The following DPP10 variants were observed in gnomAD, a reference collection of about 807,000 sequenced individuals.
The protein encoded by DPP10 is dipeptidyl peptidase like 10.
DPP10 carries 33 observed loss-of-function variants against 120.9 expected under a neutral mutation model. The observed-to-expected ratio is 0.27, with a 90% CI of 0.21 to 0.37. The LOEUF (loss-of-function observed/expected upper bound fraction) is 0.37. Among genes scored for constraint, DPP10 ranks in the 10% least tolerant of loss-of-function variants. The pLI, the probability that DPP10 is intolerant of heterozygous loss-of-function variation, is 1.00. For missense variants in DPP10, 816 were observed against 942.8 expected (o/e 0.87, Z 1.76); for synonymous variants, 337 against 326.1 (o/e 1.03, Z -0.36).
intron 1 of DPP10, among the ~76,000 whole-genome samples, chr2:114,853,058 A>G (rs182813844): frequency 3.0e-4 from 45 of 152,326 alleles, no homozygotes. Context: ...GTTGAGCTAA[A>G]GAAGCCAGAG....
At chr2:115,150,407 C>T (rs900075748) in intron 1 of DPP10, among the ~76,000 whole-genome samples, 8 of 152,054 alleles carry the variant, frequency 5.3e-5, no homozygotes, top group African/African-American at 1.2e-4. Flanking sequence ...AAAGCCTTGG[C>T]GATTAGAGAG....
In DPP10 at chr2:115,391,625, A is replaced by G. The variant is rs144920441; in HGVS notation, c.271+47713A>G. On this transcript the variant is annotated intron_variant, in intron 3 of 25. Transcript: ENST00000410059. The stretch of plus-strand genomic sequence containing the variant: ...GTACCAATATCCATAACATAAATAT[A>G]AAATAAAAAAGATGTTTATAATAGT... Among the ~76,000 whole-genome samples the G allele has an allele frequency of 8.1e-3, 1,228 of 152,178 alleles. 26 individuals are homozygous for G. The highest frequency in any genetic ancestry group is 0.032 in the East Asian group (165 of 5,186).
intron 21 of DPP10, among the ~76,000 whole-genome samples, chr2:115,819,853 G>T (rs1475498457): frequency 6.6e-6 from 1 of 152,112 alleles, no homozygotes; most frequent in African/African-American, 2.4e-5. Flanking sequence ...AACTAGCCGG[G>T]CATGGTGGCA....
chr2:114,549,983 C>T lies in DPP10; in HGVS notation c.60+107145C>T, dbSNP rs1263817137. On this transcript the variant is annotated intron_variant, in intron 1 of 25. Coordinates refer to ENST00000410059, the MANE Select transcript of DPP10 (RefSeq NM_020868.6). ...CCTCCTTTAGAAACCATCATGCCCCCAAACCTAAAACTTAGGGACCACCGC... is the reference window on the plus strand; with the variant it reads ...CCTCCTTTAGAAACCATCATGCCCCTAAACCTAAAACTTAGGGACCACCGC... Among the ~76,000 whole-genome samples the T allele has an allele frequency of 2.6e-5, 4 of 152,082 alleles. No homozygotes were observed. In the East Asian group the frequency reaches 7.7e-4, roughly 29 times the overall value.
intron 19 of DPP10, among the ~76,000 whole-genome samples, chr2:115,802,936 G>A (rs1262475394): frequency 6.6e-6 from 1 of 152,174 alleles, no homozygotes; most frequent in Non-Finnish European, 1.5e-5. Context: ...TTCTGTAGAT[G>A]TCTATTAGGT....
Position 115,814,657 on chromosome 2 carries a change from T to G in DPP10, c.1701-136T>G, listed in dbSNP as rs868126206. On this transcript the variant is annotated intron_variant, in intron 19 of 25. Transcript: ENST00000410059. The stretch of plus-strand genomic sequence containing the variant: ...GAAAATTGTAATTTTACCTTCAGGT[T>G]TATTATCAAGAATTAACAGAAATTT... 55 of 604,510 alleles carry G rather than the reference T, an allele frequency of 9.1e-5. No homozygotes were observed. In the Middle Eastern group the frequency reaches 3.9e-3, roughly 43 times the overall value. 37.4% of individuals were successfully genotyped at this position (604,510 alleles called of 1,614,324 possible).
chr2:115,512,407 A>G (rs1251591270), intron 4 of DPP10, among the ~76,000 whole-genome samples: 1 of 152,002 alleles, frequency 6.6e-6, no homozygotes, highest in African/African-American at 2.4e-5. Flanking sequence ...CTAAGATTAC[A>G]GATATGAGCC....
intron 7 of DPP10, among the ~76,000 whole-genome samples, chr2:115,726,928 A>G (rs1308072245): frequency 7.9e-6 from 1 of 126,380 alleles, no homozygotes; most frequent in Non-Finnish European, 1.6e-5. Context: ...TGATCTAAAT[A>G]GCAATTTGGC....
At chr2:115,163,835 AAGCAG>A (rs137919792) in intron 1 of DPP10, among the ~76,000 whole-genome samples, 3,622 of 152,252 alleles carry the variant, frequency 0.024, 54 homozygotes, top group African/African-American at 0.048. Flanking sequence ...TGGGATGCAG[AAGCAG>A]AGCAGAGCAG....
chr2:115,215,356 A>G (rs2056757656), intron 1 of DPP10, among the ~76,000 whole-genome samples: 1 of 152,174 alleles, frequency 6.6e-6, no homozygotes, highest in South Asian at 2.1e-4. Context: ...TTAAGTTCTG[A>G]TTTTAACACC....
At chr2:115,282,553 C>A (rs1475407611) in intron 1 of DPP10, among the ~76,000 whole-genome samples, 1 of 151,996 alleles carries the variant, frequency 6.6e-6, no homozygotes, top group Non-Finnish European at 1.5e-5. Context: ...TAGAATAGGG[C>A]CTTTCACAAT....
At chr2:114,779,540 G>A (rs1468048584) in intron 1 of DPP10, among the ~76,000 whole-genome samples, 2 of 152,040 alleles carry the variant, frequency 1.3e-5, no homozygotes, top group Non-Finnish European at 2.9e-5. Context: ...CATACAAGCT[G>A]CTAATTTTGA....
At chr2:115,567,819 T>A (rs10200039) in intron 5 of DPP10, among the ~76,000 whole-genome samples, 150,306 of 152,266 alleles carry the variant, frequency 0.99, 74,221 homozygotes, top group East Asian at 1. Context: ...AGTGTTTGAG[T>A]GTGCTAGTTT....
chr2:115,740,800 A>G (rs933179663), intron 9 of DPP10, among the ~76,000 whole-genome samples: 16 of 152,148 alleles, frequency 1.1e-4, no homozygotes, highest in Admixed American at 9.8e-4. Context: ...AAGAAGGCTC[A>G]TGTGTAAGGC....
chr2:115,312,176 A>T (rs982367522), intron 2 of DPP10, among the ~76,000 whole-genome samples: 6 of 152,202 alleles, frequency 3.9e-5, no homozygotes, highest in Admixed American at 1.3e-4. Flanking sequence ...GAAAATAATA[A>T]TGCTGGAGTG....
At chr2:114,698,818 T>G (rs1700217162) in intron 1 of DPP10, among the ~76,000 whole-genome samples, 1 of 152,044 alleles carries the variant, frequency 6.6e-6, no homozygotes, top group African/African-American at 2.4e-5. Context: ...CTTGGTGCAT[T>G]CAAATGAATA....
intron 1 of DPP10, among the ~76,000 whole-genome samples, chr2:114,720,272 G>C (rs13405672): frequency 0.15 from 22,085 of 152,084 alleles, 2,259 homozygotes; most frequent in African/African-American, 0.29. Flanking sequence ...TATTGAGCTT[G>C]CATGAGCACT....
At chr2:115,574,965 G>A (rs2081560674) in intron 5 of DPP10, among the ~76,000 whole-genome samples, 1 of 152,194 alleles carries the variant, frequency 6.6e-6, no homozygotes, top group Non-Finnish European at 1.5e-5. Flanking sequence ...AAGCTCTGTA[G>A]AATAAGTGGG....
chr2:115,647,401 A>G (rs768831446), intron 5 of DPP10, among the ~76,000 whole-genome samples: 1 of 152,102 alleles, frequency 6.6e-6, no homozygotes, highest in Middle Eastern at 3.2e-3. Context: ...TCAACAAACA[A>G]TGGTTTAGCA....
Sources: gnomAD v4.1 joint callset for allele counts (sites outside exome capture counted in the v4.1 genomes callset) on GRCh38, gnomAD v4.1.1 for gene constraint, MANE v1.5 for transcripts, NCBI Gene and HGNC (gene_info 2026-07-23, HGNC 2026-07-21) for gene names.